Variants in ADK observed in about 807,000 individuals in gnomAD.
ADK encodes the protein N6,N6-dimethyladenosine kinase.
Under a neutral mutation model 44.7 loss-of-function variants are expected in ADK, and 24 were observed. That is an observed-to-expected ratio of 0.54 (90% CI 0.39 to 0.76). ADK has a LOEUF of 0.76. Among genes scored for constraint, ADK ranks in the 30% least tolerant of loss-of-function variants. The pLI is 0.00. For missense variants in ADK, 321 were observed against 425.1 expected (o/e 0.76, Z 2.15); for synonymous variants, 128 against 142.6 (o/e 0.90, Z 0.73).
At chr10:74,419,205 A>T (rs936944132) in intron 6 of ADK, among the ~76,000 whole-genome samples, 2 of 152,140 alleles carry the variant, frequency 1.3e-5, no homozygotes, top group African/African-American at 2.4e-5. Context: ...TTCCTCCCCA[A>T]CAACAGTATT....
At chr10:74,301,513 C>CAA (rs34310248) in intron 3 of ADK, among the ~76,000 whole-genome samples, 47 of 56,492 alleles carry the variant, frequency 8.3e-4, no homozygotes, top group Non-Finnish European at 8.2e-4. Context: ...GACTCTGTCT[C>CAA]AAAAAAAAAA....
At chr10:74,348,450 A>G (rs553383044) in intron 4 of ADK, among the ~76,000 whole-genome samples, 112 of 152,254 alleles carry the variant, frequency 7.4e-4, no homozygotes, top group African/African-American at 2.2e-3. Context: ...CTCAAAGATC[A>G]AAGGTAGATA....
chr10:74,255,771 G>A (rs1237724761), intron 3 of ADK, among the ~76,000 whole-genome samples: 1 of 152,176 alleles, frequency 6.6e-6, no homozygotes, highest in Non-Finnish European at 1.5e-5. Context: ...TACTTTTGCA[G>A]TTATCTCTCC....
Position 74,398,464 on chromosome 10 carries a change from G to A in ADK, c.447-7G>A. The stretch of plus-strand genomic sequence containing the variant: ...AATATTACTTGCTTATTCTTTGGTT[G>A]TTTTAGGTCCCTCATAGCTAATCTT... On this transcript the variant is annotated splice_polypyrimidine_tract_variant and splice_region_variant and intron_variant, in intron 5 of 10. Transcript: ENST00000539909. 6.3e-7 allele frequency: 1 copy of A among 1,586,050 alleles called. No homozygotes were observed. The highest frequency in any genetic ancestry group is 8.7e-7 in the Non-Finnish European group (1 of 1,155,626).
At chr10:74,509,740 C>T (rs1007824281) in intron 6 of ADK, among the ~76,000 whole-genome samples, 3 of 152,040 alleles carry the variant, frequency 2.0e-5, no homozygotes, top group African/African-American at 7.2e-5. Flanking sequence ...CTTCCTTTCC[C>T]CCTACTTTCC....
At chr10:74,538,141 G>C (rs1409529554) in intron 7 of ADK, among the ~76,000 whole-genome samples, 1 of 152,004 alleles carries the variant, frequency 6.6e-6, no homozygotes, top group Non-Finnish European at 1.5e-5. Flanking sequence ...TATAGTCCCA[G>C]CTGCTCAGGA....
chr10:74,217,513 A>G (rs559459832), intron 2 of ADK, among the ~76,000 whole-genome samples: 1,975 of 152,256 alleles, frequency 0.013, 50 homozygotes, highest in Non-Finnish European at 0.014. Flanking sequence ...CTTTGAAGAG[A>G]GCAGTGGTTC....
At chr10:74,349,797 A>G (rs1016273314) in intron 4 of ADK, among the ~76,000 whole-genome samples, 34 of 152,224 alleles carry the variant, frequency 2.2e-4, no homozygotes, top group African/African-American at 8.2e-4. Context: ...CTTTAAACTA[A>G]CAAAGATCAA....
At chr10:74,287,569 G>A (rs1847222265) in intron 3 of ADK, among the ~76,000 whole-genome samples, 1 of 152,090 alleles carries the variant, frequency 6.6e-6, no homozygotes, top group Admixed American at 6.6e-5. Context: ...AAATTAGGAA[G>A]TAATCATGAG....
At chr10:74,171,776 A>C (rs186601803) in intron 1 of ADK, among the ~76,000 whole-genome samples, 102 of 151,054 alleles carry the variant, frequency 6.8e-4, no homozygotes, top group African/African-American at 2.4e-3. Flanking sequence ...TCTCTCTCTC[A>C]GCGCTCACTC....
chr10:74,210,057 C>T (rs184286298), intron 2 of ADK, among the ~76,000 whole-genome samples: 10 of 152,158 alleles, frequency 6.6e-5, no homozygotes, highest in African/African-American at 1.2e-4. Context: ...TGGCTGGGCG[C>T]GGTGGCTCAC....
chr10:74,290,031 G>A (rs1847344342), intron 3 of ADK, among the ~76,000 whole-genome samples: 1 of 151,214 alleles, frequency 6.6e-6, no homozygotes, highest in Admixed American at 6.6e-5. Context: ...TGCTATGCTA[G>A]GTTAAAAAAA....
intron 9 of ADK, among the ~76,000 whole-genome samples, chr10:74,618,388 T>C (rs867502147): frequency 2.6e-5 from 4 of 152,172 alleles, no homozygotes; most frequent in South Asian, 2.1e-4. Flanking sequence ...CCTTCCAGTT[T>C]CAAGTAATTC....
chr10:74,628,684 G>A (rs1233552511), intron 9 of ADK, among the ~76,000 whole-genome samples: 1 of 152,082 alleles, frequency 6.6e-6, no homozygotes, highest in African/African-American at 2.4e-5. Context: ...TGTGTGAGCT[G>A]AGAGTGGCAG....
intron 9 of ADK, among the ~76,000 whole-genome samples, chr10:74,607,130 C>T (rs1852351536): frequency 6.6e-6 from 1 of 152,094 alleles, no homozygotes; most frequent in Non-Finnish European, 1.5e-5. Flanking sequence ...TGTGTCTTTG[C>T]ACATGAGATG....
intron 3 of ADK, 51 bp downstream of exon 3, chr10:74,224,642 T>G (rs1469283687): frequency 1.4e-6 from 2 of 1,409,826 alleles, no homozygotes; most frequent in Non-Finnish European, 2.0e-6. Context: ...TCTATGAACT[T>G]GATATATGTA....
At chr10:74,211,968 TTC>T (rs1228296581) in intron 2 of ADK, among the ~76,000 whole-genome samples, 3 of 152,194 alleles carry the variant, frequency 2.0e-5, no homozygotes, top group African/African-American at 7.2e-5. Context: ...TTTGAATATT[TTC>T]TCTTATTTGA....
chr10:74,555,417 G>T (rs190084374), intron 7 of ADK, among the ~76,000 whole-genome samples: 50 of 152,218 alleles, frequency 3.3e-4, no homozygotes, highest in Non-Finnish European at 5.3e-4. Context: ...AGATGGAAGT[G>T]GGGGAGAGAG....
chr10:74,615,061 T>C (rs1225367624), intron 9 of ADK, among the ~76,000 whole-genome samples: 3 of 152,230 alleles, frequency 2.0e-5, no homozygotes, highest in African/African-American at 7.2e-5. Context: ...TCCTTTGACA[T>C]TGAAAATTCT....
Sources: gnomAD v4.1 joint callset for allele counts (sites outside exome capture counted in the v4.1 genomes callset) on GRCh38, gnomAD v4.1.1 for gene constraint, MANE v1.5 for transcripts, NCBI Gene and HGNC (gene_info 2026-07-23, HGNC 2026-07-21) for gene names.